PPFIBP2: variants seen among roughly 807,000 people sequenced by gnomAD.
PPFIBP2 encodes liprin-beta-2.
A neutral mutation model predicts 118.3 loss-of-function variants in PPFIBP2; 118 were observed. The observed-to-expected ratio is 1.00, with a 90% CI of 0.86 to 1.16. The LOEUF is 1.16. PPFIBP2 is among the 50% of genes most tolerant of loss of function. PPFIBP2 has a pLI of 0.00. For synonymous variants in PPFIBP2, 414 were observed against 397.4 expected (o/e 1.04, Z -0.50); for missense variants, 1,195 against 1,073.1 (o/e 1.11, Z -1.59).
At chr11:7,534,053 A>G (rs969267782) in intron 1 of PPFIBP2, among the ~76,000 whole-genome samples, 5 of 152,220 alleles carry the variant, frequency 3.3e-5, no homozygotes, top group African/African-American at 1.2e-4. Context: ...ATGAGGTTCT[A>G]AACTGTGGTG....
intron 2 of PPFIBP2, among the ~76,000 whole-genome samples, chr11:7,552,465 T>C (rs1346417746): frequency 6.6e-6 from 1 of 152,194 alleles, no homozygotes; most frequent in Non-Finnish European, 1.5e-5. Context: ...GTGCATCCAT[T>C]GCTGGATTTG....
At chr11:7,656,583 G>C (rs1327329556), downstream of PPFIBP2, 1 of 402,538 alleles carries the variant, frequency 2.5e-6, no homozygotes, top group African/African-American at 2.1e-5. Flanking sequence ...CCAATACTCA[G>C]GGTTTCTTGG....
intron 2 of PPFIBP2, among the ~76,000 whole-genome samples, chr11:7,565,069 G>C (rs958465232): frequency 1.3e-5 from 2 of 152,180 alleles, no homozygotes; most frequent in African/African-American, 2.4e-5. Context: ...TCTAAACGTA[G>C]TTTATGGTCC....
chr11:7,657,116 C>G (rs1854756630), downstream of PPFIBP2: 1 of 243,036 alleles, frequency 4.1e-6, no homozygotes, highest in Non-Finnish European at 8.3e-6. Flanking sequence ...CGTGATATTC[C>G]TGGTGACAGC....
Position 7,606,167 on chromosome 11 carries a change from A to G in PPFIBP2, c.487-4124A>G, listed in dbSNP as rs1847315262. On this transcript the variant is annotated intron_variant, in intron 5 of 23. Transcript: ENST00000299492. ...GGGGGCAAAATACTGGCTTGGAAGC[A>G]GCCCTGGAATAGGGAGCACAGTGTT... 2.6e-5 allele frequency among the ~76,000 whole-genome samples: 4 copies of G among 152,346 alleles called. No homozygotes were observed. In the South Asian group the frequency reaches 8.3e-4, roughly 32 times the overall value.
Position 7,648,916 on chromosome 11 carries a change from G to A in PPFIBP2, c.1909+5G>A. 6 of 1,607,900 alleles carry A rather than the reference G, an allele frequency of 3.7e-6. No homozygotes were observed. Among genetic ancestry groups the A allele is most frequent in the Non-Finnish European group, 5.1e-6 (6 of 1,174,404 alleles). On this transcript the variant is annotated splice_donor_5th_base_variant and intron_variant, in intron 19 of 23. Transcript: ENST00000299492. ...TAGACCACATTTGGGTGACAAGTAAGGATAGGCATATATGTATTAAGAATG... is the reference window on the plus strand; with the variant it reads ...TAGACCACATTTGGGTGACAAGTAAAGATAGGCATATATGTATTAAGAATG...
Position 7,653,578 on chromosome 11 carries a change from C to A in PPFIBP2, c.*360C>A. On this transcript the variant is annotated 3_prime_UTR_variant, in exon 24 of 24. Transcript: ENST00000299492. Reference sequence around the variant, plus strand: ...CCCACGAGGCTCAGCTCTCAGGCACCCCCTACACTTCAGTTGAGGGAAAAG... The same window carrying A: ...CCCACGAGGCTCAGCTCTCAGGCACACCCTACACTTCAGTTGAGGGAAAAG... 1 of 1,306,364 alleles carries A rather than the reference C, an allele frequency of 7.7e-7. No homozygotes were observed. 80.9% of individuals were successfully genotyped at this position (1,306,364 alleles called of 1,614,324 possible).
intron 3 of PPFIBP2, among the ~76,000 whole-genome samples, chr11:7,574,282 G>A (rs1333649320): frequency 6.6e-6 from 1 of 152,174 alleles, no homozygotes; most frequent in Middle Eastern, 3.2e-3. Flanking sequence ...ACCCGTATTT[G>A]TGTACCCTTT....
At chr11:7,578,397 G>A (rs1856770742) in intron 3 of PPFIBP2, among the ~76,000 whole-genome samples, 1 of 152,234 alleles carries the variant, frequency 6.6e-6, no homozygotes, top group Non-Finnish European at 1.5e-5. Context: ...TTAGAGATTT[G>A]ACATTGTAAC....
chr11:7,544,843 T>G (rs895829125), intron 1 of PPFIBP2, among the ~76,000 whole-genome samples: 3 of 151,262 alleles, frequency 2.0e-5, no homozygotes, highest in African/African-American at 7.3e-5. Flanking sequence ...ATTTTTCACA[T>G]GTCGCTTGGG....
Position 7,642,335 on chromosome 11 carries a change from A to G in PPFIBP2, c.1555A>G (p.Thr519Ala). 1 of 1,614,188 alleles carries G rather than the reference A, an allele frequency of 6.2e-7. No homozygotes were observed. The highest frequency in any genetic ancestry group is 1.1e-5 in the South Asian group (1 of 91,084). Residue 519 changes from threonine (T) to alanine (A), a missense_variant, in exon 17 of 24, where the codon ACG (threonine) becomes GCG (alanine). Thr to Ala is a moderately conservative substitution (Grantham distance 58, BLOSUM62 0). Transcript: ENST00000299492. ...RTQSGNFYTD[T>A]LGMAEFRRGG... is the part of the protein sequence containing the mutation. Reference sequence around the variant, plus strand: ...TCAGTCAGGAAATTTCTACACTGACACGCTGGGGATGGCAGAGTTTCGACG... The same window carrying G: ...TCAGTCAGGAAATTTCTACACTGACGCGCTGGGGATGGCAGAGTTTCGACG...
rs1301225810 is a variant in PPFIBP2 at position 7,653,616 on chromosome 11, A to C, written c.*398A>C. The C allele has an allele frequency of 3.1e-6, 4 of 1,296,362 alleles. No individual in the cohort carries two copies. The highest frequency in any genetic ancestry group is 4.0e-6 in the Non-Finnish European group (4 of 993,866). The allele number at this position is 1,296,362 out of a possible 1,614,324, so 80.3% of individuals were successfully genotyped here. On this transcript the variant is annotated 3_prime_UTR_variant, in exon 24 of 24. Coordinates refer to ENST00000299492, the MANE Select transcript of PPFIBP2 (RefSeq NM_003621.5). Reference sequence around the variant, plus strand: ...GTTGAGGGAAAAGCTCAAGTGCCTTAGGCCCGTGGACCACAGTCTTGGCTG... The same window carrying C: ...GTTGAGGGAAAAGCTCAAGTGCCTTCGGCCCGTGGACCACAGTCTTGGCTG...
chr11:7,577,731 T>C (rs573693447), intron 3 of PPFIBP2: 1 of 451,070 alleles, frequency 2.2e-6, no homozygotes, highest in South Asian at 1.6e-5. Flanking sequence ...CTGTGTGTGG[T>C]AGGGGGAGGT....
intron 7 of PPFIBP2, among the ~76,000 whole-genome samples, chr11:7,625,108 A>G (rs1351892138): frequency 1.3e-5 from 2 of 152,206 alleles, no homozygotes; most frequent in African/African-American, 4.8e-5. Flanking sequence ...GTATGTGTGT[A>G]CTTATGAGCT....
At chr11:7,546,034 G>C (rs1852294341) in intron 1 of PPFIBP2, among the ~76,000 whole-genome samples, 1 of 152,184 alleles carries the variant, frequency 6.6e-6, no homozygotes, top group Admixed American at 6.5e-5. Flanking sequence ...GAACTTCCAG[G>C]TTGGTGAACG....
intron 6 of PPFIBP2, among the ~76,000 whole-genome samples, chr11:7,611,034 G>A (rs1848011825): frequency 1.3e-5 from 2 of 152,200 alleles, no homozygotes; most frequent in South Asian, 4.1e-4. Context: ...TTTGAGAGCA[G>A]GCAGCCTGTT....
intron 3 of PPFIBP2, among the ~76,000 whole-genome samples, chr11:7,589,997 G>A (rs1858949149): frequency 6.6e-6 from 1 of 152,152 alleles, no homozygotes; most frequent in Non-Finnish European, 1.5e-5. Flanking sequence ...ATTATGCCTT[G>A]ATGATGTAGT....
chr11:7,633,216 T>A (rs139125556), intron 12 of PPFIBP2, among the ~76,000 whole-genome samples: 2 of 152,204 alleles, frequency 1.3e-5, no homozygotes. Context: ...CTGTGTCTTA[T>A]AGCAGCTCCT....
chr11:7,651,770 G>C lies in PPFIBP2; in HGVS notation c.2362G>C (p.Glu788Gln). ...CAAGTTCAATGCCTTGATTGGTCCGGAGGCTGAACAGGAGAAGCGAGAGAA... is the reference window on the plus strand; with the variant it reads ...CAAGTTCAATGCCTTGATTGGTCCGCAGGCTGAACAGGAGAAGCGAGAGAA... ...TTKFNALIGP[E>Q]AEQEKREKMA... Residue 788 changes from glutamate (E) to glutamine (Q), a missense_variant, in exon 23 of 24, where the codon GAG becomes CAG. By Grantham distance (29) the Glu-to-Gln change is conservative. Transcript: ENST00000299492. The C allele has an allele frequency of 6.2e-7, 1 of 1,614,102 alleles. No homozygotes were observed. The highest frequency in any genetic ancestry group is 8.5e-7 in the Non-Finnish European group (1 of 1,179,958).
Sources: gnomAD v4.1 joint callset for allele counts (sites outside exome capture counted in the v4.1 genomes callset) on GRCh38, gnomAD v4.1.1 for gene constraint, MANE v1.5 for transcripts, NCBI Gene and HGNC (gene_info 2026-07-23, HGNC 2026-07-21) for gene names.